CTNNA3: variants seen among roughly 807,000 people sequenced by gnomAD.
The protein encoded by CTNNA3 is catenin alpha-3.
CTNNA3 carries 76 observed loss-of-function variants against 95.7 expected under a neutral mutation model. The observed-to-expected ratio is 0.79, with a 90% CI of 0.66 to 0.96. The LOEUF (loss-of-function observed/expected upper bound fraction) is 0.96. CTNNA3 is among the 40% of genes least tolerant of loss of function. The pLI is 0.00. For missense variants in CTNNA3, 1,191 were observed against 1,089.8 expected (o/e 1.09, Z -1.31); for synonymous variants, 431 against 374.4 (o/e 1.15, Z -1.74).
At chr10:65,986,537 T>G (rs2078431861) in intron 16 of CTNNA3, among the ~76,000 whole-genome samples, 3 of 151,330 alleles carry the variant, frequency 2.0e-5, no homozygotes, top group Non-Finnish European at 3.0e-5. Context: ...ACTATTAAAC[T>G]ATAAAATATT....
At chr10:67,074,817 T>TG (rs1336495130) in intron 7 of CTNNA3, among the ~76,000 whole-genome samples, 143 of 148,858 alleles carry the variant, frequency 9.6e-4, no homozygotes, top group African/African-American at 3.5e-3. Context: ...ACATAATTTA[T>TG]TTATGTATGT....
chr10:67,479,624 A>G (rs1341764638), intron 5 of CTNNA3, among the ~76,000 whole-genome samples: 2 of 152,196 alleles, frequency 1.3e-5, no homozygotes, highest in African/African-American at 2.4e-5. Context: ...AAATGCCTAC[A>G]TCAGGAATTT....
chr10:66,230,452 AG>A (rs2089530259), intron 13 of CTNNA3, among the ~76,000 whole-genome samples: 1 of 152,070 alleles, frequency 6.6e-6, no homozygotes, highest in South Asian at 2.1e-4. Flanking sequence ...TGATTTCTAA[AG>A]CTGTAATCAA....
chr10:66,430,493 C>G (rs1048181082), intron 11 of CTNNA3, among the ~76,000 whole-genome samples: 1 of 152,190 alleles, frequency 6.6e-6, no homozygotes, highest in South Asian at 2.1e-4. Context: ...TGCTACCTGA[C>G]TTCAGACTAT....
intron 2 of CTNNA3, among the ~76,000 whole-genome samples, chr10:67,633,170 G>C (rs1444517955): frequency 6.6e-6 from 1 of 152,046 alleles, no homozygotes; most frequent in Admixed American, 6.6e-5. Flanking sequence ...CACAGGGTGG[G>C]ACCTCCCTGT....
At chr10:66,423,386 ATGTT>A (rs2093212298) in intron 11 of CTNNA3, among the ~76,000 whole-genome samples, 2 of 152,150 alleles carry the variant, frequency 1.3e-5, no homozygotes, top group Non-Finnish European at 2.9e-5. Context: ...TGTTTCTTGA[ATGTT>A]TGGTAGAATT....
intron 7 of CTNNA3, among the ~76,000 whole-genome samples, chr10:66,850,865 T>A (rs1843459674): frequency 6.6e-6 from 1 of 152,202 alleles, no homozygotes; most frequent in Non-Finnish European, 1.5e-5. Context: ...AAATGTAGCA[T>A]GATATTTCCT....
chr10:66,454,795 A>T (rs1473029660), intron 11 of CTNNA3, among the ~76,000 whole-genome samples: 1 of 125,680 alleles, frequency 8.0e-6, no homozygotes, highest in Non-Finnish European at 1.6e-5. Context: ...GAGGAAGGAG[A>T]GGAATGAGAG....
chr10:66,635,959 C>A (rs1280491434), intron 9 of CTNNA3, among the ~76,000 whole-genome samples: 1 of 150,292 alleles, frequency 6.7e-6, no homozygotes, highest in Non-Finnish European at 1.5e-5. Flanking sequence ...GTATAAATTG[C>A]CGATAATGAG....
At chr10:67,524,887 G>A (rs889894218) in intron 4 of CTNNA3, among the ~76,000 whole-genome samples, 2 of 152,126 alleles carry the variant, frequency 1.3e-5, no homozygotes, top group East Asian at 3.9e-4. Context: ...TATTCACTTG[G>A]CTTGAAGATT....
At chr10:66,070,670 C>T (rs113951777) in intron 14 of CTNNA3, among the ~76,000 whole-genome samples, 79 of 152,244 alleles carry the variant, frequency 5.2e-4, no homozygotes, top group African/African-American at 1.9e-3. Context: ...ACTTGGAATG[C>T]CACTGATTTC....
chr10:67,391,147 C>T (rs1844459234), intron 5 of CTNNA3, among the ~76,000 whole-genome samples: 1 of 152,022 alleles, frequency 6.6e-6, no homozygotes, highest in South Asian at 2.1e-4. Flanking sequence ...GATTGTATAT[C>T]TAGAAACCCC....
intron 12 of CTNNA3, among the ~76,000 whole-genome samples, chr10:66,296,007 T>C (rs1040717256): frequency 2.0e-5 from 3 of 152,240 alleles, no homozygotes; most frequent in Non-Finnish European, 4.4e-5. Context: ...ACCTAACTTT[T>C]GTAGTTAATA....
At chr10:67,460,869 T>G (rs1309038053) in intron 5 of CTNNA3, among the ~76,000 whole-genome samples, 2 of 152,214 alleles carry the variant, frequency 1.3e-5, no homozygotes, top group Non-Finnish European at 2.9e-5. Context: ...AAAGACAATC[T>G]AAATCTCCCA....
intron 5 of CTNNA3, among the ~76,000 whole-genome samples, chr10:67,235,150 T>C (rs1314248089): frequency 1.3e-5 from 2 of 152,030 alleles, no homozygotes; most frequent in African/African-American, 2.4e-5. Context: ...CTTCACAGAA[T>C]TGGAAAAAAC....
chr10:67,717,571 G>A (rs1435365273), intron 1 of CTNNA3, among the ~76,000 whole-genome samples: 4 of 152,182 alleles, frequency 2.6e-5, no homozygotes, highest in Non-Finnish European at 4.4e-5. Flanking sequence ...TTATTAAATA[G>A]GGAATCCTTT....
At chr10:67,188,686 T>C (rs4746674) in intron 6 of CTNNA3, among the ~76,000 whole-genome samples, 4,152 of 152,268 alleles carry the variant, frequency 0.027, 134 homozygotes, top group African/African-American at 0.09. Flanking sequence ...AAGAGATATA[T>C]GTACTCTCAT....
intron 15 of CTNNA3, among the ~76,000 whole-genome samples, chr10:66,015,293 G>T (rs2079073902): frequency 6.6e-6 from 1 of 152,044 alleles, no homozygotes; most frequent in Admixed American, 6.5e-5. Flanking sequence ...GGCATTGTTT[G>T]CTGTGGTAGA....
chr10:65,949,479 A>G (rs922464596), intron 17 of CTNNA3, among the ~76,000 whole-genome samples: 2 of 152,128 alleles, frequency 1.3e-5, no homozygotes, highest in East Asian at 3.9e-4. Context: ...CAATGATGCT[A>G]CTATTTGTCT....
Sources: allele counts gnomAD v4.1 joint callset (sites outside exome capture counted in the v4.1 genomes callset), GRCh38; gene constraint gnomAD v4.1.1; transcripts MANE v1.5; gene names NCBI Gene and HGNC (gene_info 2026-07-23, HGNC 2026-07-21).